DAB2IP: variants seen among roughly 807,000 people sequenced by gnomAD.
DAB2IP encodes DAB2 interacting protein.
A neutral mutation model predicts 107.2 loss-of-function variants in DAB2IP; 28 were observed. The ratio of observed to expected loss-of-function variants is 0.26; its 90% CI spans 0.19 to 0.36. The LOEUF is 0.36. DAB2IP is among the 10% of genes least tolerant of loss of function. The pLI is 1.00. For synonymous variants in DAB2IP, 755 were observed against 706.4 expected, an observed-to-expected ratio of 1.07 and a Z score of -1.09; for missense variants, 1,400 against 1,644.7, an observed-to-expected ratio of 0.85 and a Z score of 2.57.
chr9:121,778,585 C>T (rs1835373761), intron 14 of DAB2IP, among the ~76,000 whole-genome samples: 2 of 152,092 alleles, frequency 1.3e-5, no homozygotes, highest in African/African-American at 4.8e-5. Context: ...TCCATTTTCT[C>T]TCCTATTGAC....
chr9:121,715,636 A>G (rs1830561334), intron 3 of DAB2IP, among the ~76,000 whole-genome samples: 2 of 152,016 alleles, frequency 1.3e-5, no homozygotes, highest in South Asian at 4.2e-4. Flanking sequence ...TACAGGCCTG[A>G]GCCACTGCAC....
chr9:121,627,598 A>T (rs745999528), intron 1 of DAB2IP, among the ~76,000 whole-genome samples: 28 of 151,934 alleles, frequency 1.8e-4, no homozygotes, highest in Non-Finnish European at 3.1e-4. Context: ...AGGATGTGAG[A>T]GTCGGTGGGT....
At chr9:121,610,832 G>A (rs919669783) in intron 1 of DAB2IP, among the ~76,000 whole-genome samples, 2 of 152,090 alleles carry the variant, frequency 1.3e-5, no homozygotes, top group African/African-American at 4.8e-5. Context: ...GCCAGTCCTG[G>A]GCCCATCTCT....
intron 2 of DAB2IP, among the ~76,000 whole-genome samples, chr9:121,692,874 A>G (rs1260347675): frequency 6.6e-6 from 1 of 152,158 alleles, no homozygotes; most frequent in Non-Finnish European, 1.5e-5. Context: ...GGGAACAGGG[A>G]AGGGGAGGGC....
chr9:121,567,555 C>G (rs558361236), intron 1 of DAB2IP, among the ~76,000 whole-genome samples: 2 of 152,228 alleles, frequency 1.3e-5, no homozygotes, highest in African/African-American at 4.8e-5. Flanking sequence ...GCCTACCTCG[C>G]TGTTCGCCAG....
intron 1 of DAB2IP, among the ~76,000 whole-genome samples, chr9:121,583,722 G>C (rs1830254325): frequency 6.6e-6 from 1 of 152,198 alleles, no homozygotes; most frequent in Non-Finnish European, 1.5e-5. Flanking sequence ...GCCATCCGTG[G>C]ATCCCAGATT....
At chr9:121,672,233 A>T (rs1833713488) in intron 1 of DAB2IP, among the ~76,000 whole-genome samples, 1 of 150,708 alleles carries the variant, frequency 6.6e-6, no homozygotes. Flanking sequence ...GGACACAGGG[A>T]CACCCCAGTC....
At chr9:121,605,945 C>T (rs1830856361) in intron 1 of DAB2IP, among the ~76,000 whole-genome samples, 1 of 152,158 alleles carries the variant, frequency 6.6e-6, no homozygotes, top group Admixed American at 6.5e-5. Context: ...TGGGGTTGCA[C>T]AGTTATTTGT....
In DAB2IP at chr9:121,635,610, G is replaced by A. The variant is rs757571367; in HGVS notation, c.41-43068G>A. Among the ~76,000 whole-genome samples, 11 of 152,180 alleles carry A rather than the reference G, an allele frequency of 7.2e-5. No individual in the cohort carries two copies. Among genetic ancestry groups the A allele is most frequent in the Non-Finnish European group, 1.3e-4 (9 of 68,028 alleles). On this transcript the variant is annotated intron_variant, in intron 1 of 16. Transcript: ENST00000259371. The surrounding 1 kb of genome is among the most constrained non-coding windows in gnomAD (Gnocchi z 4.3). Reference sequence around the variant, plus strand: ...TGAGAGAGAGGTTAGGAAGCACCAGGGCAACCACAGGAAGGAGGGGCGCTG... The same window carrying A: ...TGAGAGAGAGGTTAGGAAGCACCAGAGCAACCACAGGAAGGAGGGGCGCTG...
In DAB2IP at chr9:121,688,881, C is replaced by T. The variant is rs147368135; in HGVS notation, c.228+10100C>T. Among the ~76,000 whole-genome samples the T allele has an allele frequency of 1.4e-3, 212 of 152,234 alleles. 2 individuals carry two copies. Among genetic ancestry groups the T allele is most frequent in the African/African-American group, 5.0e-3 (207 of 41,524 alleles). On this transcript the variant is annotated intron_variant, in intron 2 of 15. Coordinates refer to ENST00000408936, the Ensembl canonical transcript of DAB2IP. The stretch of plus-strand genomic sequence containing the variant: ...CGTGACCTCTCCACTTCTGCCAGCC[C>T]CCACACTTCTGCCAGCCCCCACACT...
intron 1 of DAB2IP, among the ~76,000 whole-genome samples, chr9:121,645,787 C>G (rs993949108): frequency 1.3e-5 from 2 of 152,218 alleles, no homozygotes; most frequent in Non-Finnish European, 2.9e-5. Flanking sequence ...GGCTTTATGA[C>G]AGGCTGTCGA....
chr9:121,781,679 C>T, intron 15 of DAB2IP, 128 bp downstream of exon 15: 2 of 930,104 alleles, frequency 2.2e-6, no homozygotes, highest in Non-Finnish European at 3.3e-6. Flanking sequence ...CCAGAATCTG[C>T]CCTGAGAAGT....
chr9:121,744,699 C>T (rs1027028049), intron 3 of DAB2IP, among the ~76,000 whole-genome samples: 3 of 152,138 alleles, frequency 2.0e-5, no homozygotes, highest in South Asian at 2.1e-4. Flanking sequence ...AAGTTAGAGC[C>T]GAAGTGCCAG....
At chr9:121,655,092 G>A (rs1832916631) in intron 1 of DAB2IP, among the ~76,000 whole-genome samples, 1 of 152,082 alleles carries the variant, frequency 6.6e-6, no homozygotes, top group Non-Finnish European at 1.5e-5. Flanking sequence ...CTGAAGGATG[G>A]GCAGAGTGAG....
At chr9:121,688,878 G>A (rs1368302064) in intron 2 of DAB2IP, among the ~76,000 whole-genome samples, 1 of 152,114 alleles carries the variant, frequency 6.6e-6, no homozygotes, top group African/African-American at 2.4e-5. Context: ...ACTTCTGCCA[G>A]CCCCCACACT....
At chr9:121,755,935 T>C (rs983055532) in intron 3 of DAB2IP, among the ~76,000 whole-genome samples, 3 of 152,042 alleles carry the variant, frequency 2.0e-5, no homozygotes, top group Non-Finnish European at 2.9e-5. Flanking sequence ...ACTTGGACCA[T>C]TGGAACCAGG....
At chr9:121,621,159 C>T (rs557446217) in intron 1 of DAB2IP, among the ~76,000 whole-genome samples, 1 of 152,284 alleles carries the variant, frequency 6.6e-6, no homozygotes, top group African/African-American at 2.4e-5. Flanking sequence ...TCCCTGCCCT[C>T]ACTGCCCATT....
chr9:121,783,598 G>A (rs1277372809), exon 16 of DAB2IP: 7 of 1,605,410 alleles, frequency 4.4e-6, no homozygotes, highest in Non-Finnish European at 6.0e-6. Context: ...TTTAAGTTGA[G>A]CGTGCGCACT....
rs371692421 is a variant in DAB2IP, at chr9:121,586,423, C to T, written c.40+19195C>T. The stretch of plus-strand genomic sequence containing the variant: ...GGTCTAGGATTGGGAGGGCTTGAGA[C>T]GGAAACGTAAGTGGCAGATATTACC... On this transcript the variant is annotated intron_variant, in intron 1 of 16. Coordinates refer to the DAB2IP transcript ENST00000259371. 8.5e-5 allele frequency among the ~76,000 whole-genome samples: 13 copies of T among 152,248 alleles called. 1 individual carries two copies. The highest frequency in any genetic ancestry group is 2.2e-4 in the African/African-American group (9 of 41,550).
Sources: allele counts gnomAD v4.1 joint callset (sites outside exome capture counted in the v4.1 genomes callset), GRCh38; gene constraint gnomAD v4.1.1; non-coding constraint Gnocchi (gnomAD v3.1); transcripts MANE v1.5; gene names NCBI Gene and HGNC (gene_info 2026-07-23, HGNC 2026-07-21).